FAT3: variants seen among roughly 807,000 people sequenced by gnomAD.
FAT3 encodes the protein protocadherin Fat 3.
A neutral mutation model predicts 310.2 loss-of-function variants in FAT3; 95 were observed. The observed-to-expected ratio is 0.31, with a 90% CI of 0.26 to 0.36. FAT3 has a LOEUF of 0.36. FAT3 is among the 10% of genes least tolerant of loss of function. The pLI, the probability that FAT3 is intolerant of heterozygous loss-of-function variation, is 1.00. For missense variants in FAT3, 5,408 were observed against 5,715.6 expected (o/e 0.95, Z 1.74); for synonymous variants, 2,314 against 2,192.9 (o/e 1.06, Z -1.54).
At chr11:92,545,358 T>G (rs186215900) in intron 3 of FAT3, among the ~76,000 whole-genome samples, 1 of 152,334 alleles carries the variant, frequency 6.6e-6, no homozygotes, top group Admixed American at 6.5e-5. Flanking sequence ...GTTGATCTTT[T>G]ATTTTTTCAC....
At chr11:92,665,256 G>A (rs1791553) in intron 3 of FAT3, among the ~76,000 whole-genome samples, 73,761 of 151,956 alleles carry the variant, frequency 0.49, 18,135 homozygotes, top group African/African-American at 0.5. Context: ...ACCTCAGTTC[G>A]TCTCTGCTGT....
At chr11:92,697,474 T>C (rs767581941) in intron 4 of FAT3, 29 bp downstream of exon 4, 1 of 1,608,236 alleles carries the variant, frequency 6.2e-7, no homozygotes, top group East Asian at 2.2e-5. Flanking sequence ...CTGAAATTCA[T>C]TAAAACTGAC....
In FAT3 at chr11:92,801,247, G is replaced by A. The variant is rs1167618474; in HGVS notation, c.8234G>A (p.Gly2745Glu). ...SQNVWFSTVN[G>E]ERPENNKGGI... is the part of the protein sequence containing the mutation. Reference sequence around the variant, plus strand: ...AATGTCTGGTTCAGCACAGTTAATGGGGAACGGCCAGAAAATAACAAAGGG... The same window carrying A: ...AATGTCTGGTTCAGCACAGTTAATGAGGAACGGCCAGAAAATAACAAAGGG... Residue 2745 changes from glycine to glutamate, a missense_variant, in exon 10 of 28, where the codon GGG becomes GAG. Transcript: ENST00000525166. 6.2e-7 allele frequency: 1 copy of A among 1,613,810 alleles called. No homozygotes were observed. The highest frequency in any genetic ancestry group is 2.2e-5 in the East Asian group (1 of 44,818).
intron 12 of FAT3, among the ~76,000 whole-genome samples, chr11:92,807,096 T>C (rs1033313802): frequency 2.6e-5 from 4 of 152,180 alleles, no homozygotes; most frequent in African/African-American, 9.7e-5. Flanking sequence ...GGTGAATCTT[T>C]CCCAGTTATT....
chr11:92,542,365 C>T (rs1002554301), intron 3 of FAT3, among the ~76,000 whole-genome samples: 7 of 151,606 alleles, frequency 4.6e-5, no homozygotes, highest in Admixed American at 4.6e-4. Flanking sequence ...AGCTTCTGCA[C>T]AGAAAAGGAG....
intron 4 of FAT3, among the ~76,000 whole-genome samples, chr11:92,728,486 A>T (rs892595052): frequency 3.3e-5 from 5 of 152,328 alleles, no homozygotes; most frequent in African/African-American, 1.2e-4. Flanking sequence ...CTGCTGGAAT[A>T]AAAGACACAG....
intron 16 of FAT3, 109 bp downstream of exon 16, chr11:92,836,812 G>A (rs941462219): frequency 3.4e-5 from 44 of 1,309,050 alleles, no homozygotes; most frequent in Non-Finnish European, 2.8e-5. Flanking sequence ...TCTAAGTAAT[G>A]AGAGTAAATA....
At chr11:92,697,839 G>C (rs1793921529) in intron 4 of FAT3, among the ~76,000 whole-genome samples, 1 of 152,104 alleles carries the variant, frequency 6.6e-6, no homozygotes, top group Non-Finnish European at 1.5e-5. Flanking sequence ...TTTTCTTTTC[G>C]TGGGGAGAGA....
chr11:92,565,608 C>A (rs1175182364), intron 3 of FAT3, among the ~76,000 whole-genome samples: 2 of 151,646 alleles, frequency 1.3e-5, no homozygotes, highest in East Asian at 3.9e-4. Context: ...AGACCAATAT[C>A]CTTGATGAAC....
At chr11:92,486,455 A>C (rs2135216467) in intron 2 of FAT3, among the ~76,000 whole-genome samples, 1 of 152,124 alleles carries the variant, frequency 6.6e-6, no homozygotes, top group African/African-American at 2.4e-5. Flanking sequence ...TAAATTACAA[A>C]GTACAGGGAA....
intron 1 of FAT3, among the ~76,000 whole-genome samples, chr11:92,292,168 AG>A (rs1565205640): frequency 6.6e-6 from 1 of 152,102 alleles, no homozygotes; most frequent in Non-Finnish European, 1.5e-5. Context: ...CCTGTAATCA[AG>A]GCACAGCATT....
chr11:92,811,055 A>G (rs769511969), intron 13 of FAT3, among the ~76,000 whole-genome samples: 1 of 152,210 alleles, frequency 6.6e-6, no homozygotes, highest in African/African-American at 2.4e-5. Flanking sequence ...TAGAGAAATT[A>G]GTGGCTACAA....
intron 3 of FAT3, among the ~76,000 whole-genome samples, chr11:92,582,276 T>G (rs1426467151): frequency 6.6e-6 from 1 of 151,934 alleles, no homozygotes; most frequent in Admixed American, 6.6e-5. Context: ...ATCCTGGGAC[T>G]TAGAATGCTT....
At chr11:92,673,387 G>A (rs1943191603) in intron 3 of FAT3, among the ~76,000 whole-genome samples, 1 of 152,074 alleles carries the variant, frequency 6.6e-6, no homozygotes, top group Non-Finnish European at 1.5e-5. Context: ...TATTTATCAT[G>A]GGCTACATTG....
In FAT3 at chr11:92,561,906, G is replaced by A. The variant is rs143375514; in HGVS notation, c.3607+36958G>A. 8.0e-3 allele frequency among the ~76,000 whole-genome samples: 1,210 copies of A among 152,192 alleles called. 14 individuals are homozygous for A. Among genetic ancestry groups the A allele is most frequent in the African/African-American group, 0.028 (1,150 of 41,510 alleles). On this transcript the variant is annotated intron_variant, in intron 3 of 27. Transcript: ENST00000525166. ...CTCCCAAAGTGCTGGGATTACAGGC[G>A]TGAACCACCATGCCTGGCCTACCAT...
chr11:92,853,907 C>G (rs1400468733), intron 19 of FAT3, among the ~76,000 whole-genome samples: 1 of 152,192 alleles, frequency 6.6e-6, no homozygotes, highest in South Asian at 2.1e-4. Context: ...CAGCCCAGCC[C>G]CCAGGCTTCA....
rs2136351220 is a variant in FAT3, at chr11:92,867,064, T to C, written c.11982T>C (p.Asn3994=). The C allele has an allele frequency of 2.5e-6, 4 of 1,589,716 alleles. No homozygotes were observed. The highest frequency in any genetic ancestry group is 3.4e-6 in the Non-Finnish European group (4 of 1,168,428). ...GCLDSVILNN[N]ELPLQNKRSS... is the part of the protein sequence containing the mutation. ...TGGACTCGGTGATACTGAATAACAA[T>C]GAGCTGCCGCTGCAGAACAAGCGCA... Residue 3994 remains asparagine, a synonymous_variant, in exon 22 of 28, where the codon AAT becomes AAC. Coordinates refer to ENST00000525166, the MANE Select transcript of FAT3 (RefSeq NM_001367949.2).
At chr11:92,338,578 T>G (rs1226763489) in intron 1 of FAT3, among the ~76,000 whole-genome samples, 1 of 151,972 alleles carries the variant, frequency 6.6e-6, no homozygotes, top group African/African-American at 2.4e-5. Context: ...TGGGAGGCTG[T>G]GGTCTTGGTA....
intron 19 of FAT3, among the ~76,000 whole-genome samples, chr11:92,846,568 A>G (rs1014506673): frequency 2.0e-5 from 3 of 152,216 alleles, no homozygotes; most frequent in Admixed American, 6.5e-5. Flanking sequence ...ATTCTTTAAA[A>G]GAAGGATTTA....
Sources: allele counts gnomAD v4.1 joint callset (sites outside exome capture counted in the v4.1 genomes callset), GRCh38; gene constraint gnomAD v4.1.1; transcripts MANE v1.5; gene names NCBI Gene and HGNC (gene_info 2026-07-23, HGNC 2026-07-21).